Variants in SDCCAG8 observed in about 807,000 individuals in gnomAD.
SDCCAG8 encodes SHH signaling and ciliogenesis regulator SDCCAG8.
Under a neutral mutation model 101.8 loss-of-function variants are expected in SDCCAG8, and 74 were observed. The observed-to-expected ratio is 0.73, with a 90% CI of 0.60 to 0.88. The LOEUF (loss-of-function observed/expected upper bound fraction) is 0.88. Ranked by LOEUF, SDCCAG8 falls within the 40% of genes least tolerant of loss-of-function variation. The pLI, the probability that SDCCAG8 is intolerant of heterozygous loss-of-function variation, is 0.00. For missense variants in SDCCAG8, 787 were observed against 822.6 expected (o/e 0.96, Z 0.53); for synonymous variants, 281 against 292.9 (o/e 0.96, Z 0.41).
At chr1:243,340,542 G>A (rs1255629442) in intron 10 of SDCCAG8, among the ~76,000 whole-genome samples, 1 of 152,158 alleles carries the variant, frequency 6.6e-6, no homozygotes, top group East Asian at 1.9e-4. Flanking sequence ...ACCAACAAAG[G>A]GCACTGCACA....
intron 11 of SDCCAG8, among the ~76,000 whole-genome samples, chr1:243,343,117 A>G (rs2075480596): frequency 6.6e-6 from 1 of 152,200 alleles, no homozygotes; most frequent in African/African-American, 2.4e-5. Flanking sequence ...ATGCGCTACC[A>G]TACCCAGCTT....
intron 6 of SDCCAG8, among the ~76,000 whole-genome samples, chr1:243,294,336 T>C (rs2070576162): frequency 6.6e-6 from 1 of 152,174 alleles, no homozygotes. Flanking sequence ...ATTTCCATAC[T>C]ATTTTTGTGA....
At chr1:243,491,790 T>C (rs537162208) in intron 17 of SDCCAG8, among the ~76,000 whole-genome samples, 1 of 152,248 alleles carries the variant, frequency 6.6e-6, no homozygotes, top group African/African-American at 2.4e-5. Context: ...TTTCCTGGAG[T>C]GGCCTGTGGG....
intron 13 of SDCCAG8, among the ~76,000 whole-genome samples, chr1:243,388,947 G>A (rs941931017): frequency 6.1e-5 from 9 of 148,684 alleles, no homozygotes; most frequent in Non-Finnish European, 1.0e-4. Context: ...CTACGTGGTG[G>A]TGCGTGCCTG....
chr1:243,407,333 T>G (rs896333390), intron 13 of SDCCAG8, among the ~76,000 whole-genome samples: 1 of 152,150 alleles, frequency 6.6e-6, no homozygotes. Context: ...AATTCCCGAG[T>G]TTGAGACACT....
rs1558300335 is a variant in SDCCAG8, at chr1:243,327,407, T to TTAAAATTATAA, written c.1069-3132_1069-3131insAAAATTATAAT. On this transcript the variant is annotated intron_variant, in intron 9 of 17. Coordinates refer to ENST00000366541, the MANE Select transcript of SDCCAG8 (RefSeq NM_006642.5). ...ATTATAATTTATAATTTTATAGAAA[T>TTAAAATTATAA]TTATAATTTTATAGAAGTTAAAATT... Among the ~76,000 whole-genome samples, 428 of 106,604 alleles carry TTAAAATTATAA rather than the reference T, an allele frequency of 4.0e-3. 4 individuals carry two copies. The highest frequency in any genetic ancestry group is 4.8e-3 in the Non-Finnish European group (219 of 45,694). 69.9% of individuals were successfully genotyped at this position (106,604 alleles called of 152,430 possible). A position where few individuals can be genotyped will look rare whatever the true frequency, so the allele number is the denominator to read the frequency against.
At chr1:243,308,848 C>T (rs1310149716) in intron 8 of SDCCAG8, among the ~76,000 whole-genome samples, 1 of 152,168 alleles carries the variant, frequency 6.6e-6, no homozygotes, top group Non-Finnish European at 1.5e-5. Flanking sequence ...TAATATAGAA[C>T]CCAGTGGCAG....
Position 243,370,533 on chromosome 1 carries a change from A to G in SDCCAG8, c.1474-8188A>G, listed in dbSNP as rs1279157874. 4.6e-5 allele frequency among the ~76,000 whole-genome samples: 7 copies of G among 152,274 alleles called. No individual in the cohort carries two copies. In the South Asian group the frequency reaches 1.4e-3, roughly 32 times the overall value. ...TTCTTTTGCCACTGAATCTCCTGGCATGACAGAACAGTGGTGTAAACTTGG... is the reference window on the plus strand; with the variant it reads ...TTCTTTTGCCACTGAATCTCCTGGCGTGACAGAACAGTGGTGTAAACTTGG... On this transcript the variant is annotated intron_variant, in intron 12 of 17. Coordinates refer to ENST00000366541, the MANE Select transcript of SDCCAG8 (RefSeq NM_006642.5).
At chr1:243,419,847 G>A (rs972046960) in intron 15 of SDCCAG8, among the ~76,000 whole-genome samples, 8 of 152,140 alleles carry the variant, frequency 5.3e-5, no homozygotes, top group South Asian at 2.1e-4. Flanking sequence ...GGCATGTAAC[G>A]GTTAACTTAC....
intron 5 of SDCCAG8, among the ~76,000 whole-genome samples, chr1:243,288,825 G>A (rs2069900308): frequency 6.6e-6 from 1 of 151,936 alleles, no homozygotes; most frequent in African/African-American, 2.4e-5. Flanking sequence ...TGGCTAACAT[G>A]GTGAAACCCA....
chr1:243,330,595 T>C lies in SDCCAG8; in HGVS notation c.1124T>C (p.Leu375Pro), dbSNP rs2074514997. 1 of 1,613,892 alleles carries C rather than the reference T, an allele frequency of 6.2e-7. No homozygotes were observed. Among genetic ancestry groups the C allele is most frequent in the African/African-American group, 1.3e-5 (1 of 74,860 alleles). The part of the protein sequence containing the change: ...RKELERQAER[L>P]EKELASQQEK... ...GAGCTGGAGAGGCAGGCGGAGCGAC[T>C]TGAAAAAGAACTTGCATCTCAGCAA... Residue 375 changes from leucine (L) to proline (P), a missense_variant, in exon 10 of 18, where the codon CTT becomes CCT. Transcript: ENST00000366541.
At chr1:243,483,078 T>G (rs1664069186) in intron 16 of SDCCAG8, among the ~76,000 whole-genome samples, 1 of 152,102 alleles carries the variant, frequency 6.6e-6, no homozygotes, top group Non-Finnish European at 1.5e-5. Flanking sequence ...AACAAGAAAT[T>G]GCACTCTCTC....
intron 13 of SDCCAG8, among the ~76,000 whole-genome samples, chr1:243,407,800 T>G (rs2079889706): frequency 6.6e-6 from 1 of 152,174 alleles, no homozygotes; most frequent in Admixed American, 6.5e-5. Context: ...TGACATACTT[T>G]GCAATGAAGA....
At chr1:243,431,768 T>G (rs112837551) in intron 16 of SDCCAG8, among the ~76,000 whole-genome samples, 2,745 of 152,242 alleles carry the variant, frequency 0.018, 38 homozygotes, top group African/African-American at 0.036. Context: ...CCAGAGCCAG[T>G]GGAGCACTGC....
intron 12 of SDCCAG8, among the ~76,000 whole-genome samples, chr1:243,356,759 G>A (rs1433270329): frequency 2.0e-5 from 3 of 151,904 alleles, no homozygotes; most frequent in Non-Finnish European, 2.9e-5. Flanking sequence ...CCCAAAGCAG[G>A]AGAATCGTTG....
intron 4 of SDCCAG8, among the ~76,000 whole-genome samples, chr1:243,283,414 T>C (rs71537332): frequency 7.4e-6 from 1 of 134,678 alleles, no homozygotes; most frequent in Non-Finnish European, 1.6e-5. Context: ...TATATATATA[T>C]ATACATGTAT....
chr1:243,455,845 G>A (rs2083702440), intron 16 of SDCCAG8, among the ~76,000 whole-genome samples: 1 of 152,218 alleles, frequency 6.6e-6, no homozygotes, highest in South Asian at 2.1e-4. Context: ...AGAACCCTCT[G>A]TGTGTGCCAC....
chr1:243,261,342 G>A (rs1040555394), intron 1 of SDCCAG8, among the ~76,000 whole-genome samples: 1 of 152,154 alleles, frequency 6.6e-6, no homozygotes, highest in Non-Finnish European at 1.5e-5. Context: ...GAATGATTAA[G>A]GGCTATGTTT....
chr1:243,289,791 T>C (rs1357606049), intron 5 of SDCCAG8, among the ~76,000 whole-genome samples: 2 of 152,178 alleles, frequency 1.3e-5, no homozygotes, highest in African/African-American at 4.8e-5. Context: ...AGGAAGAGCT[T>C]GTCGACATTG....
Sources: gnomAD v4.1 joint callset for allele counts (sites outside exome capture counted in the v4.1 genomes callset) on GRCh38, gnomAD v4.1.1 for gene constraint, MANE v1.5 for transcripts, NCBI Gene and HGNC (gene_info 2026-07-23, HGNC 2026-07-21) for gene names.